Variants in ADAMTSL1 observed in about 807,000 individuals in gnomAD.
The protein encoded by ADAMTSL1 is ADAMTS like 1.
A neutral mutation model predicts 201.8 loss-of-function variants in ADAMTSL1; 126 were observed. That is an observed-to-expected ratio of 0.62 (90% CI 0.54 to 0.72). The LOEUF is 0.72. ADAMTSL1 is among the 30% of genes least tolerant of loss of function. The pLI is 0.00. For missense variants in ADAMTSL1, 2,679 were observed against 2,277.8 expected (o/e 1.18, Z -3.59); for synonymous variants, 1,121 against 903.4 (o/e 1.24, Z -4.32).
chr9:17,987,333 G>T (rs568621496), intron 1 of ADAMTSL1, among the ~76,000 whole-genome samples: 3 of 152,198 alleles, frequency 2.0e-5, no homozygotes, highest in East Asian at 1.9e-4. Flanking sequence ...GGAAGCAGGG[G>T]ATAGAGAACA....
At chr9:18,244,115 G>A (rs1831171586) in intron 2 of ADAMTSL1, among the ~76,000 whole-genome samples, 2 of 38,306 alleles carry the variant, frequency 5.2e-5, no homozygotes, top group Non-Finnish European at 1.4e-4. Context: ...GTGTGTACGT[G>A]TGTGTGTGTG....
intron 4 of ADAMTSL1, among the ~76,000 whole-genome samples, chr9:18,593,579 C>A (rs1197300253): frequency 6.6e-6 from 1 of 151,772 alleles, no homozygotes; most frequent in Non-Finnish European, 1.5e-5. Flanking sequence ...ATACTGTATC[C>A]CATATATTTT....
chr9:18,863,085 C>G (rs1005751170), intron 23 of ADAMTSL1, among the ~76,000 whole-genome samples: 1 of 152,156 alleles, frequency 6.6e-6, no homozygotes, highest in African/African-American at 2.4e-5. Context: ...GAGAAGCATG[C>G]TGTTTAACAC....
intron 23 of ADAMTSL1, among the ~76,000 whole-genome samples, chr9:18,872,762 C>T (rs1051763058): frequency 2.0e-5 from 3 of 152,046 alleles, no homozygotes; most frequent in Non-Finnish European, 1.5e-5. Flanking sequence ...GGGCTGGTTC[C>T]GTATTTTGCA....
chr9:18,887,289 C>T (rs6475268), intron 23 of ADAMTSL1, among the ~76,000 whole-genome samples: 81,114 of 151,990 alleles, frequency 0.53, 21,927 homozygotes, highest in African/African-American at 0.59. Flanking sequence ...TTGGCAAAAG[C>T]CTTCAGAAGA....
chr9:18,580,917 A>G (rs1823053187), intron 4 of ADAMTSL1, among the ~76,000 whole-genome samples: 1 of 152,092 alleles, frequency 6.6e-6, no homozygotes, highest in South Asian at 2.1e-4. Flanking sequence ...GCTAAAATAC[A>G]GATTTGGTTT....
chr9:18,905,819 A>G lies in ADAMTSL1; in HGVS notation c.4889A>G (p.Gln1630Arg), dbSNP rs1333059315. The stretch of plus-strand genomic sequence containing the variant: ...TGCATCGGGCCTCACCTAGCTGTGC[A>G]ACACAGACAAGTCTTCTGCCAGACA... ...GPCIGPHLAV[Q>R]HRQVFCQTRD... is the part of the protein sequence containing the mutation. The change falls in exon 27 of 29, where the codon CAA becomes CGA. Residue 1630 changes from glutamine (Q) to arginine (R), a missense_variant. Coordinates refer to ENST00000380548, the MANE Select transcript of ADAMTSL1 (RefSeq NM_001040272.6). 1 of 1,613,694 alleles carries G rather than the reference A, an allele frequency of 6.2e-7. No homozygotes were observed. Among genetic ancestry groups the G allele is most frequent in the Admixed American group, 1.7e-5 (1 of 60,000 alleles).
At chr9:18,153,018 C>T (rs1826986990) in intron 1 of ADAMTSL1, among the ~76,000 whole-genome samples, 1 of 150,462 alleles carries the variant, frequency 6.6e-6, no homozygotes, top group African/African-American at 2.4e-5. Context: ...AACTCCCTAC[C>T]AGTGTTTATG....
At chr9:18,029,681 G>T (rs1200966261) in intron 1 of ADAMTSL1, among the ~76,000 whole-genome samples, 2 of 151,850 alleles carry the variant, frequency 1.3e-5, no homozygotes, top group Non-Finnish European at 2.9e-5. Flanking sequence ...AATCTACAAT[G>T]AACTCAAACA....
chr9:18,398,666 A>G (rs1372831595), intron 2 of ADAMTSL1, among the ~76,000 whole-genome samples: 2 of 152,122 alleles, frequency 1.3e-5, no homozygotes, highest in African/African-American at 4.8e-5. Flanking sequence ...TCTAGATCCC[A>G]TTTATTCATT....
rs969752747 is a variant in ADAMTSL1, at chr9:18,760,993, G to C, written c.2217+7485G>C. ...CCTCACTGGACTGCAAATATCTGAG[G>C]CTTAGTAACCATTTTTTATAAATCC... On this transcript the variant is annotated intron_variant, in intron 16 of 28. Coordinates refer to ENST00000380548, the MANE Select transcript of ADAMTSL1 (RefSeq NM_001040272.6). Among the ~76,000 whole-genome samples, 9 of 152,298 alleles carry C rather than the reference G, an allele frequency of 5.9e-5. No individual in the cohort carries two copies. The East Asian group carries it at 1.7e-3, about 29-fold the overall frequency.
intron 2 of ADAMTSL1, among the ~76,000 whole-genome samples, chr9:18,354,079 T>G (rs576611545): frequency 6.8e-6 from 1 of 147,758 alleles, no homozygotes; most frequent in South Asian, 2.1e-4. Context: ...ACCTATAAAT[T>G]TTGATTTTCT....
chr9:18,412,617 T>A (rs775218075), intron 2 of ADAMTSL1, among the ~76,000 whole-genome samples: 4 of 152,220 alleles, frequency 2.6e-5, no homozygotes, highest in Admixed American at 2.6e-4. Context: ...TATGAGGTGG[T>A]TGTGGTTTTG....
Position 18,504,005 on chromosome 9 carries a change from T to TGC in ADAMTSL1, c.64-823_64-822dup, listed in dbSNP as rs1037449452. ...ATGTGTGTGTGTGTGTGTGTGTGTG[T>TGC]GCAGTAGCATGGTTATAATATTACC... On this transcript the variant is annotated intron_variant, in intron 1 of 28. Transcript: ENST00000380548. Among the ~76,000 whole-genome samples, 3 of 151,892 alleles carry TGC rather than the reference T, an allele frequency of 2.0e-5. No homozygotes were observed. In the East Asian group the frequency reaches 5.8e-4, roughly 29 times the overall value.
rs527483629 is a variant in ADAMTSL1 at position 18,682,393 on chromosome 9, C to G, written c.1489+434C>G. ...TACTTCAAACTGATGAAACAGAAAA[C>G]TGTCACTTTTTATATTGAAAATTAA... On this transcript the variant is annotated intron_variant, in intron 12 of 28. Transcript: ENST00000380548. Among the ~76,000 whole-genome samples, 5 of 152,256 alleles carry G rather than the reference C, an allele frequency of 3.3e-5. No individual in the cohort carries two copies. In the South Asian group the frequency reaches 1.0e-3, roughly 32 times the overall value.
In ADAMTSL1 at chr9:18,910,529, C is replaced by G. The variant is rs1256955303; in HGVS notation, c.*1981C>G. 1 of 152,154 alleles carries G rather than the reference C, an allele frequency of 6.6e-6. No homozygotes were observed. The highest frequency in any genetic ancestry group is 2.4e-5 in the African/African-American group (1 of 41,416). The allele number at this position is 152,154 out of a possible 1,614,324, so 9.4% of individuals were successfully genotyped here. A position where few individuals can be genotyped will look rare whatever the true frequency, so the allele number is the denominator to read the frequency against. ...GTACAGGATGTGTTGTAAAAACTAA[C>G]ATGGGATGCTGAGGCAGTAAGAGGG... On this transcript the variant is annotated 3_prime_UTR_variant, in exon 29 of 29. Coordinates refer to ENST00000380548, the MANE Select transcript of ADAMTSL1 (RefSeq NM_001040272.6).
At chr9:18,087,204 T>C (rs1823805708) in intron 1 of ADAMTSL1, among the ~76,000 whole-genome samples, 1 of 152,186 alleles carries the variant, frequency 6.6e-6, no homozygotes, top group South Asian at 2.1e-4. Flanking sequence ...CCTCCCTAAA[T>C]GCTTTTAAAA....
At chr9:18,370,652 G>A (rs1218465206) in intron 2 of ADAMTSL1, among the ~76,000 whole-genome samples, 1 of 146,450 alleles carries the variant, frequency 6.8e-6, no homozygotes, top group Non-Finnish European at 1.5e-5. Context: ...TGGGTTGTGT[G>A]TGTATTTCAT....
intron 15 of ADAMTSL1, among the ~76,000 whole-genome samples, chr9:18,741,986 T>G (rs1818856335): frequency 6.6e-6 from 1 of 152,206 alleles, no homozygotes; most frequent in African/African-American, 2.4e-5. Flanking sequence ...CATTCTACAA[T>G]ACTTACTATG....
Sources: allele counts gnomAD v4.1 joint callset (sites outside exome capture counted in the v4.1 genomes callset), GRCh38; gene constraint gnomAD v4.1.1; transcripts MANE v1.5; gene names NCBI Gene and HGNC (gene_info 2026-07-23, HGNC 2026-07-21).